Variants in DIP2A observed in about 807,000 individuals in gnomAD.
DIP2A encodes the protein DIP2 acetate--CoA ligase A.
In DIP2A, 85 loss-of-function variants were observed where a neutral mutation model predicts 177.4. The ratio of observed to expected loss-of-function variants is 0.48; its 90% CI spans 0.40 to 0.57. DIP2A has a LOEUF of 0.57. Among genes scored for constraint, DIP2A ranks in the 20% least tolerant of loss-of-function variants. The pLI is 0.00. For synonymous variants in DIP2A, 886 were observed against 881.8 expected (o/e 1.00, Z -0.08); for missense variants, 1,791 against 2,100.2 (o/e 0.85, Z 2.88).
In DIP2A at chr21:46,489,617, AC is replaced by A. The variant is rs1200047999; in HGVS notation, c.164-981del. Among the ~76,000 whole-genome samples the A allele has an allele frequency of 2.0e-5, 3 of 152,180 alleles. No homozygotes were observed. In the East Asian group the frequency reaches 5.8e-4, roughly 29 times the overall value. ...ACTGCGCTTGTTGGGGCAGTCACTG[AC>A]CTGCCCAGGTTTGAGGCAGCGTGGA... On this transcript the variant is annotated intron_variant, in intron 2 of 37. Coordinates refer to ENST00000417564, the MANE Select transcript of DIP2A (RefSeq NM_015151.4).
At chr21:46,465,634 G>A (rs752401550) in intron 1 of DIP2A, among the ~76,000 whole-genome samples, 1 of 152,000 alleles carries the variant, frequency 6.6e-6, no homozygotes, top group Non-Finnish European at 1.5e-5. Flanking sequence ...TTGAGGCAGG[G>A]ACTCCAAGTG....
chr21:46,541,675 C>T lies in DIP2A; in HGVS notation c.2037-81C>T, dbSNP rs981763626. 5 of 1,538,072 alleles carry T rather than the reference C, an allele frequency of 3.3e-6. No homozygotes were observed. In the African/African-American group the frequency reaches 4.1e-5, roughly 13 times the overall value. On this transcript the variant is annotated intron_variant, in intron 17 of 37. Coordinates refer to ENST00000417564, the MANE Select transcript of DIP2A (RefSeq NM_015151.4). ...TGGAGCAGTGGCTTTGGTGCAGAAT[C>T]ATGCTGCAGGCAAGGTGGGCCCACC... is the stretch of plus-strand genomic sequence containing the variant.
At chr21:46,506,166 A>G (rs555358411) in intron 6 of DIP2A, among the ~76,000 whole-genome samples, 3 of 152,092 alleles carry the variant, frequency 2.0e-5, no homozygotes, top group Non-Finnish European at 4.4e-5. Flanking sequence ...TGCCCAGGCT[A>G]GAGTGCAGTG....
At chr21:46,516,488 CTTT>C (rs1158910021) in intron 8 of DIP2A, among the ~76,000 whole-genome samples, 3 of 76,364 alleles carry the variant, frequency 3.9e-5, no homozygotes, top group Non-Finnish European at 5.5e-5. Flanking sequence ...TCTGAAATTT[CTTT>C]TTTTTTTTTT....
intron 10 of DIP2A, 148 bp downstream of exon 10, chr21:46,532,385 C>T: frequency 1.6e-6 from 1 of 642,674 alleles, no homozygotes; most frequent in Non-Finnish European, 2.7e-6. Context: ...CTGGCCAGGA[C>T]TCAAGAGAAA....
rs2060730780 is a variant in DIP2A, at chr21:46,563,389, C to T, written c.4090-469C>T. Among the ~76,000 whole-genome samples the T allele has an allele frequency of 6.6e-6, 1 of 152,194 alleles. No individual in the cohort carries two copies. The highest frequency in any genetic ancestry group is 2.1e-4 in the South Asian group (1 of 4,836). On this transcript the variant is annotated intron_variant, in intron 34 of 37. Transcript: ENST00000417564. The surrounding 1 kb of genome is among the most constrained non-coding windows in gnomAD (Gnocchi z 4.3). ...CCAGGTAAGAGATGGTGGCCTCTTG[C>T]CGTCCTGAATTGGCACAGAGCCAGT...
At chr21:46,529,667 C>G (rs185451790) in intron 9 of DIP2A, among the ~76,000 whole-genome samples, 2 of 151,480 alleles carry the variant, frequency 1.3e-5, no homozygotes, top group Admixed American at 1.3e-4. Flanking sequence ...TAGAGTAAAG[C>G]AGCATTCTTT....
At chr21:46,580,874 C>A in the DIP2A span, among the ~76,000 whole-genome samples, 1 of 152,170 alleles carries the variant, frequency 6.6e-6, no homozygotes, top group Non-Finnish European at 1.5e-5. Context: ...CTGCCCTTAA[C>A]ATTTTTTCCT....
At chr21:46,464,844 T>TTTTTTTTTTTTTTTTTTTTTCC (rs58546395) in intron 1 of DIP2A, among the ~76,000 whole-genome samples, 2 of 111,218 alleles carry the variant, frequency 1.8e-5, no homozygotes, top group African/African-American at 4.2e-5. Flanking sequence ...TTTTTTTTTT[T>TTTTTTTTTTTTTTTTTTTTTCC]CAAGAAAACA....
At chr21:46,550,808 T>G (rs2060243550) in intron 23 of DIP2A, 64 bp downstream of exon 23, 4 of 1,547,140 alleles carry the variant, frequency 2.6e-6, no homozygotes, top group Admixed American at 1.8e-5. Context: ...TGCTTGTGGT[T>G]AGGGTGCGGC....
At chr21:46,548,507 A>G (rs920601993) in intron 21 of DIP2A, among the ~76,000 whole-genome samples, 6 of 152,246 alleles carry the variant, frequency 3.9e-5, no homozygotes, top group Admixed American at 3.3e-4. Context: ...AAGAAGAGCA[A>G]TAGAAGATTT....
the DIP2A span, among the ~76,000 whole-genome samples, chr21:46,579,108 G>T: frequency 6.6e-6 from 1 of 152,066 alleles, no homozygotes; most frequent in Non-Finnish European, 1.5e-5. Flanking sequence ...TGGTTGGTAG[G>T]CTATTTCTTA....
At chr21:46,465,865 T>G (rs1424148640) in intron 1 of DIP2A, among the ~76,000 whole-genome samples, 1 of 152,178 alleles carries the variant, frequency 6.6e-6, no homozygotes, top group East Asian at 1.9e-4. Flanking sequence ...GTAGTTTGAG[T>G]TGCAAAGCGA....
chr21:46,580,691 C>T, the DIP2A span, among the ~76,000 whole-genome samples: 1 of 152,154 alleles, frequency 6.6e-6, no homozygotes, highest in Admixed American at 6.5e-5. Context: ...TTTATTTCTC[C>T]TTCATTTATG....
intron 33 of DIP2A, chr21:46,561,324 G>C: frequency 3.2e-6 from 1 of 314,414 alleles, no homozygotes; most frequent in South Asian, 2.9e-5. Flanking sequence ...AACGATGGTG[G>C]TGCATACAGT....
At chr21:46,493,339 A>T (rs965233025) in intron 3 of DIP2A, among the ~76,000 whole-genome samples, 4 of 139,398 alleles carry the variant, frequency 2.9e-5, no homozygotes, top group African/African-American at 1.0e-4. Flanking sequence ...TTTTTTTCTA[A>T]GACAGCAATA....
At position 46,546,908 on chromosome 21, in the gene DIP2A, C is replaced by T; in HGVS notation, c.2395-7C>T. 1 of 1,612,826 alleles carries T rather than the reference C, an allele frequency of 6.2e-7. No homozygotes were observed. The highest frequency in any genetic ancestry group is 8.5e-7 in the Non-Finnish European group (1 of 1,179,658). ...GGTGGAGTCTTGACGCACACCCTTT[C>T]CCTCAGGACAACCTGGTCTTCATCG... On this transcript the variant is annotated splice_polypyrimidine_tract_variant and splice_region_variant and intron_variant, in intron 20 of 37. Transcript: ENST00000417564.
rs1353532249 is a variant in DIP2A at position 46,556,510 on chromosome 21, C to T, written c.3498+419C>T. On this transcript the variant is annotated intron_variant, in intron 29 of 37. Transcript: ENST00000417564. This position sits in a 1 kb window ranked among gnomAD's most constrained non-coding sequence, Gnocchi z 4.5. Reference sequence around the variant, plus strand: ...CATCCTGGCCAACGTGGTGAAACCCCGTCTCTACTAAAAATACAAAAAATT... The same window carrying T: ...CATCCTGGCCAACGTGGTGAAACCCTGTCTCTACTAAAAATACAAAAAATT... 3 of 583,560 alleles carry T rather than the reference C, an allele frequency of 5.1e-6. No individual in the cohort carries two copies. The highest frequency in any genetic ancestry group is 6.7e-5 in the East Asian group (1 of 14,874). The allele number at this position is 583,560 out of a possible 1,614,324, so 36.1% of individuals were successfully genotyped here. A position where few individuals can be genotyped will look rare whatever the true frequency, so the allele number is the denominator to read the frequency against.
chr21:46,508,670 G>A (rs546547453), intron 6 of DIP2A, among the ~76,000 whole-genome samples: 139 of 151,872 alleles, frequency 9.2e-4, no homozygotes, highest in African/African-American at 3.0e-3. Flanking sequence ...TGGAATAGTC[G>A]TGACCTCATA....
Sources: allele counts gnomAD v4.1 joint callset (sites outside exome capture counted in the v4.1 genomes callset), GRCh38; gene constraint gnomAD v4.1.1; non-coding constraint Gnocchi (gnomAD v3.1); transcripts MANE v1.5; gene names NCBI Gene and HGNC (gene_info 2026-07-23, HGNC 2026-07-21).